Variants in PPHLN1 observed in about 807,000 individuals in gnomAD.
PPHLN1 encodes periphilin 1, also known as periphilin-1.
In PPHLN1, 29 loss-of-function variants were observed where a neutral mutation model predicts 51.3. That is an observed-to-expected ratio of 0.57 (90% CI 0.42 to 0.77). The LOEUF (loss-of-function observed/expected upper bound fraction) is 0.77. Among genes scored for constraint, PPHLN1 ranks in the 30% least tolerant of loss-of-function variants. The pLI is 0.00. For synonymous variants in PPHLN1, 147 were observed against 147.8 expected (o/e 0.99, Z 0.04); for missense variants, 436 against 438.4 (o/e 0.99, Z 0.05).
At chr12:42,421,466 G>C (rs1365028191) in intron 9 of PPHLN1, among the ~76,000 whole-genome samples, 4 of 152,046 alleles carry the variant, frequency 2.6e-5, no homozygotes, top group Non-Finnish European at 4.4e-5. Flanking sequence ...TCCTGTCTCA[G>C]CCTCCCTAGT....
chr12:42,346,213 T>C (rs1292647727), intron 2 of PPHLN1, among the ~76,000 whole-genome samples: 1 of 152,178 alleles, frequency 6.6e-6, no homozygotes, highest in Admixed American at 6.6e-5. Context: ...TTTGTATTCC[T>C]TGACTTACCA....
intron 9 of PPHLN1, chr12:42,431,620 TTGTAAA>T (rs1343243451): frequency 7.8e-6 from 6 of 766,520 alleles, no homozygotes; most frequent in African/African-American, 1.7e-5. Context: ...ACAAGCACTG[TTGTAAA>T]TGTAATGTAA....
chr12:42,360,133 C>CAAAAAAAAAAAA (rs2074483206), intron 4 of PPHLN1, among the ~76,000 whole-genome samples: 1 of 132,642 alleles, frequency 7.5e-6, no homozygotes, highest in African/African-American at 3.0e-5. Flanking sequence ...AGAAAAATTG[C>CAAAAAAAAAAAA]AAGAATAACT....
At chr12:42,404,805 G>T (rs138912960) in intron 9 of PPHLN1, among the ~76,000 whole-genome samples, 4 of 152,116 alleles carry the variant, frequency 2.6e-5, no homozygotes, top group Non-Finnish European at 5.9e-5. Flanking sequence ...TGAAGCAGGC[G>T]GATCACAAGG....
intron 9 of PPHLN1, among the ~76,000 whole-genome samples, chr12:42,437,972 A>T (rs1317175513): frequency 2.0e-5 from 3 of 151,988 alleles, no homozygotes; most frequent in Non-Finnish European, 4.4e-5. Flanking sequence ...GGCTTCTTTC[A>T]CTTAAGATTC....
intron 9 of PPHLN1, among the ~76,000 whole-genome samples, chr12:42,428,704 TCTCACAGATCACCAC>T (rs1209377521): frequency 2.0e-5 from 3 of 151,928 alleles, no homozygotes; most frequent in African/African-American, 7.3e-5. Context: ...TACACCAAAA[TCTCACAGATCACCAC>T]CATAGAACTT....
intron 1 of PPHLN1, among the ~76,000 whole-genome samples, chr12:42,327,226 C>T (rs1335110472): frequency 6.6e-6 from 1 of 152,210 alleles, no homozygotes; most frequent in Non-Finnish European, 1.5e-5. Flanking sequence ...CCCCATTTAA[C>T]CCCTCAACAC....
intron 4 of PPHLN1, among the ~76,000 whole-genome samples, chr12:42,367,421 C>A (rs2075377040): frequency 1.4e-5 from 2 of 144,452 alleles, no homozygotes; most frequent in African/African-American, 5.1e-5. Context: ...GTCTTAGTTT[C>A]TTTTTTTTTT....
At chr12:42,414,140 G>A (rs922592080) in intron 9 of PPHLN1, among the ~76,000 whole-genome samples, 7 of 151,984 alleles carry the variant, frequency 4.6e-5, no homozygotes, top group South Asian at 4.2e-4. Context: ...TGGGTCAAGC[G>A]ATTCTCCTGC....
At chr12:42,434,736 T>C (rs1217818621) in intron 9 of PPHLN1, among the ~76,000 whole-genome samples, 2 of 152,228 alleles carry the variant, frequency 1.3e-5, no homozygotes, top group Non-Finnish European at 2.9e-5. Flanking sequence ...CTCTGTCTCC[T>C]GGGCTGGAGT....
intron 7 of PPHLN1, among the ~76,000 whole-genome samples, chr12:42,390,818 G>GTTTTT (rs34282980): frequency 3.4e-5 from 4 of 118,572 alleles, no homozygotes; most frequent in East Asian, 2.5e-4. Context: ...AGACCGTGAA[G>GTTTTT]TTTTTTTTTT....
At chr12:42,386,760 G>A (rs2077228050) in intron 6 of PPHLN1, among the ~76,000 whole-genome samples, 1 of 152,010 alleles carries the variant, frequency 6.6e-6, no homozygotes. Flanking sequence ...TATCTTTTAG[G>A]GAGTTGTTGA....
Position 42,441,802 on chromosome 12 carries a change from G to C in PPHLN1, c.*293G>C. On this transcript the variant is annotated 3_prime_UTR_variant, in exon 10 of 10. Transcript: ENST00000358314. The stretch of plus-strand genomic sequence containing the variant: ...CTCAAAGTGTTGAGATTACAGGCGT[G>C]AGCCACCGCTCCCTGCCCAACACAT... 1 of 1,108,592 alleles carries C rather than the reference G, an allele frequency of 9.0e-7. No individual in the cohort carries two copies. Among genetic ancestry groups the C allele is most frequent in the Non-Finnish European group, 1.1e-6 (1 of 909,662 alleles). 68.7% of individuals were successfully genotyped at this position (1,108,592 alleles called of 1,614,324 possible).
chr12:42,418,211 C>CTTTTTTTTTTTTTTTT (rs60029170), intron 9 of PPHLN1, among the ~76,000 whole-genome samples: 1 of 98,378 alleles, frequency 1.0e-5, no homozygotes, highest in Admixed American at 1.2e-4. Context: ...TCCCGGCCCT[C>CTTTTTTTTTTTTTTTT]TTTTTTTTTT....
chr12:42,394,380 C>T (rs188605982), intron 8 of PPHLN1, among the ~76,000 whole-genome samples: 2 of 152,136 alleles, frequency 1.3e-5, no homozygotes, highest in African/African-American at 2.4e-5. Context: ...TATAAAAATC[C>T]GTCCCGTGAC....
At chr12:42,365,835 C>T (rs2075214885) in intron 4 of PPHLN1, among the ~76,000 whole-genome samples, 1 of 152,148 alleles carries the variant, frequency 6.6e-6, no homozygotes. Context: ...TTTTGGAGGC[C>T]TCATAATCCT....
chr12:42,373,833 G>A (rs1436510170), intron 4 of PPHLN1, among the ~76,000 whole-genome samples: 2 of 152,174 alleles, frequency 1.3e-5, no homozygotes, highest in Non-Finnish European at 2.9e-5. Flanking sequence ...TAGTTATTTA[G>A]AGATGGGCAA....
At chr12:42,357,225 G>T (rs1370420053) in intron 4 of PPHLN1, among the ~76,000 whole-genome samples, 9 of 151,770 alleles carry the variant, frequency 5.9e-5, no homozygotes, top group Admixed American at 2.0e-4. Flanking sequence ...AATTCAATTT[G>T]GTTCCAGTCA....
chr12:42,361,764 A>G (rs1338064504), intron 4 of PPHLN1: 1 of 152,232 alleles, frequency 6.6e-6, no homozygotes, highest in Admixed American at 6.5e-5. Flanking sequence ...GAATTAATTT[A>G]ATTCTGGTGA....
Sources: gnomAD v4.1 joint callset for allele counts (sites outside exome capture counted in the v4.1 genomes callset) on GRCh38, gnomAD v4.1.1 for gene constraint, MANE v1.5 for transcripts, NCBI Gene and HGNC (gene_info 2026-07-23, HGNC 2026-07-21) for gene names.